Variants in TDRD15 observed in about 807,000 individuals in gnomAD.
The protein encoded by TDRD15 is tudor domain-containing protein 15.
For missense variants in TDRD15, 1,416 were observed against 904.7 expected (o/e 1.57, Z -7.25); for synonymous variants, 503 against 314.5 (o/e 1.60, Z -6.34).
chr2:21,144,509 C>T (rs1558302834), downstream of TDRD15, among the ~76,000 whole-genome samples: 2 of 151,824 alleles, frequency 1.3e-5, no homozygotes, highest in African/African-American at 2.4e-5. Context: ...AAATGCTTTA[C>T]AATTGGCCCC....
chr2:21,139,624 T>A lies in TDRD15; in HGVS notation c.2157T>A (p.Ser719=). The A allele has an allele frequency of 4.2e-6, 3 of 715,302 alleles. No individual in the cohort carries two copies. The South Asian group carries it at 4.5e-5, about 11-fold the overall frequency. 44.3% of individuals were successfully genotyped at this position (715,302 alleles called of 1,614,324 possible). A position where few individuals can be genotyped will look rare whatever the true frequency, so the allele number is the denominator to read the frequency against. Residue 719 remains serine, a synonymous_variant, in exon 4 of 4, where the codon TCT becomes TCA. Coordinates refer to ENST00000405799, the MANE Select transcript of TDRD15 (RefSeq NM_001306137.2). ...HSNNLVENNL[S]LPKSLAVNIS... ...ATAACCTGGTGGAAAATAACTTGTC[T>A]TTGCCAAAGTCCCTAGCTGTTAATA...
chr2:21,129,795 T>C (rs989755009), intron 2 of TDRD15, among the ~76,000 whole-genome samples: 2 of 152,232 alleles, frequency 1.3e-5, no homozygotes, highest in African/African-American at 4.8e-5. Flanking sequence ...CTTGATATGT[T>C]TTCTGTTCCT....
intron 2 of TDRD15, among the ~76,000 whole-genome samples, chr2:21,133,480 G>A (rs1665755941): frequency 6.6e-6 from 1 of 152,108 alleles, no homozygotes; most frequent in Admixed American, 6.6e-5. Context: ...ATGAAATAAT[G>A]TACATAGTGA....
Position 21,138,897 on chromosome 2 carries a change from A to G in TDRD15, c.1430A>G (p.Gln477Arg), listed in dbSNP as rs967313911. Reference protein sequence around the residue: ...LKVGFPIKTVQMEIEAAYIAF... With the variant: ...LKVGFPIKTVRMEIEAAYIAF... ...GTAGGTTTTCCCATTAAAACAGTACAAATGGAGATAGAGGCTGCCTACATA... is the reference window on the plus strand; with the variant it reads ...GTAGGTTTTCCCATTAAAACAGTACGAATGGAGATAGAGGCTGCCTACATA... Residue 477 changes from glutamine (Q) to arginine (R), a missense_variant, in exon 4 of 4, where the codon CAA (glutamine) becomes CGA (arginine). Gln to Arg is a conservative substitution (Grantham distance 43). Transcript: ENST00000405799. 1.3e-5 allele frequency: 9 copies of G among 715,766 alleles called. No homozygotes were observed. Among genetic ancestry groups the G allele is most frequent in the Non-Finnish European group, 2.1e-5 (8 of 384,122 alleles). 44.3% of individuals were successfully genotyped at this position (715,766 alleles called of 1,614,324 possible).
intron 2 of TDRD15, among the ~76,000 whole-genome samples, chr2:21,133,232 C>T (rs1037428792): frequency 6.6e-6 from 1 of 152,178 alleles, no homozygotes; most frequent in African/African-American, 2.4e-5. Context: ...AGCACAGATG[C>T]TTCAACTTGC....
downstream of TDRD15, among the ~76,000 whole-genome samples, chr2:21,145,177 A>G (rs1171704552): frequency 6.6e-6 from 1 of 151,994 alleles, no homozygotes; most frequent in Non-Finnish European, 1.5e-5. Context: ...CCAAGCTATT[A>G]TCACCACTTT....
chr2:21,124,884 C>T (rs1215549099), intron 1 of TDRD15, among the ~76,000 whole-genome samples: 1 of 142,194 alleles, frequency 7.0e-6, no homozygotes, highest in African/African-American at 2.6e-5. Flanking sequence ...TGTGAGAAAC[C>T]CTAATGTCAG....
At chr2:21,128,237 A>G (rs1335886163) in intron 2 of TDRD15, among the ~76,000 whole-genome samples, 2 of 151,942 alleles carry the variant, frequency 1.3e-5, no homozygotes, top group Non-Finnish European at 2.9e-5. Flanking sequence ...TACTAGTGAT[A>G]TGGAACATAT....
At chr2:21,126,211 C>T (rs76206662) in intron 1 of TDRD15, among the ~76,000 whole-genome samples, 3,694 of 152,278 alleles carry the variant, frequency 0.024, 71 homozygotes, top group Non-Finnish European at 0.036. Context: ...CTCCCCTTAT[C>T]CAAGTCAATC....
Position 21,142,912 on chromosome 2 carries a change from T to C in TDRD15, c.5445T>C (p.Val1815=). The part of the protein sequence containing the change: ...VSPQSLCLVL[V]DYGFSFYIRY... ...CTCAGTCTTTATGTCTTGTGTTGGTTGACTATGGATTTTCTTTTTATATAC... is the reference window on the plus strand; with the variant it reads ...CTCAGTCTTTATGTCTTGTGTTGGTCGACTATGGATTTTCTTTTTATATAC... The change falls in exon 4 of 4, where the codon GTT becomes GTC. Residue 1815 remains valine (V), a synonymous_variant. Transcript: ENST00000405799. 2 of 696,934 alleles carry C rather than the reference T, an allele frequency of 2.9e-6. No individual in the cohort carries two copies. Among genetic ancestry groups the C allele is most frequent in the South Asian group, 3.2e-5 (2 of 63,042 alleles). 43.2% of individuals were successfully genotyped at this position (696,934 alleles called of 1,614,324 possible). A position where few individuals can be genotyped will look rare whatever the true frequency, so the allele number is the denominator to read the frequency against.
At position 21,139,988 on chromosome 2, in the gene TDRD15, G is replaced by A. The variant is rs1196532445; in HGVS notation, c.2521G>A (p.Val841Ile). Reference sequence around the variant, plus strand: ...TGTTGATTATGGTTACCAAAAAAGGGTTTTAATTGAAGATCTTTGTGCAAT... The same window carrying A: ...TGTTGATTATGGTTACCAAAAAAGGATTTTAATTGAAGATCTTTGTGCAAT... ...VFVDYGYQKR[V>I]LIEDLCAINP... The change falls in exon 4 of 4, where the codon GTT becomes ATT. Residue 841 changes from valine (V) to isoleucine (I), a missense_variant. Transcript: ENST00000405799. 1.4e-6 allele frequency: 1 copy of A among 715,868 alleles called. No individual in the cohort carries two copies. Among genetic ancestry groups the A allele is most frequent in the South Asian group, 1.5e-5 (1 of 67,538 alleles). 44.3% of individuals were successfully genotyped at this position (715,868 alleles called of 1,614,324 possible).
At position 21,137,848 on chromosome 2, in the gene TDRD15, G is replaced by A. The variant is rs202247100; in HGVS notation, c.381G>A (p.Ala127=). 375 of 715,716 alleles carry A rather than the reference G, an allele frequency of 5.2e-4. No homozygotes were observed. The highest frequency in any genetic ancestry group is 8.6e-4 in the Non-Finnish European group (332 of 384,254). 44.3% of individuals were successfully genotyped at this position (715,716 alleles called of 1,614,324 possible). The change falls in exon 4 of 4, where the codon GCG becomes GCA. Residue 127 remains alanine (A), a synonymous_variant. Coordinates refer to ENST00000405799, the MANE Select transcript of TDRD15 (RefSeq NM_001306137.2). ...LPPRVVFGIF[A]NILPVGEKWS... is the part of the protein sequence containing the mutation. ...CACGGGTAGTATTTGGTATTTTTGC[G>A]AATATACTACCAGTTGGGGAAAAAT...
rs1478833320 is a variant in TDRD15, at chr2:21,141,573, C to G, written c.4106C>G (p.Pro1369Arg). 1.4e-6 allele frequency: 1 copy of G among 713,878 alleles called. No homozygotes were observed. Among genetic ancestry groups the G allele is most frequent in the Non-Finnish European group, 2.6e-6 (1 of 383,224 alleles). The allele number at this position is 713,878 out of a possible 1,614,324, so 44.2% of individuals were successfully genotyped here. ...IYRAVIKKIL[P>R]GNSFEVEFID... ...AGGGCAGTTATTAAGAAAATTTTGC[C>G]AGGAAATTCTTTTGAAGTAGAATTT... Residue 1369 changes from proline (P) to arginine (R), a missense_variant, in exon 4 of 4, where the codon CCA becomes CGA. Coordinates refer to ENST00000405799, the MANE Select transcript of TDRD15 (RefSeq NM_001306137.2).
chr2:21,146,615 C>T (rs188161956), downstream of TDRD15, among the ~76,000 whole-genome samples: 380 of 152,174 alleles, frequency 2.5e-3, no homozygotes, highest in African/African-American at 8.5e-3. Context: ...AATATCTGTT[C>T]ATTCTTTGCT....
intron 2 of TDRD15, among the ~76,000 whole-genome samples, chr2:21,133,737 T>G (rs1256100867): frequency 6.6e-6 from 1 of 152,086 alleles, no homozygotes; most frequent in African/African-American, 2.4e-5. Context: ...TATTTAAAAC[T>G]TAAAATTGTA....
At chr2:21,130,214 T>G (rs188808584) in intron 2 of TDRD15, among the ~76,000 whole-genome samples, 8 of 152,312 alleles carry the variant, frequency 5.3e-5, no homozygotes, top group Admixed American at 5.2e-4. Context: ...ATTGACAGCT[T>G]TAGTTCTTAC....
At chr2:21,128,558 G>A (rs761422107) in intron 2 of TDRD15, among the ~76,000 whole-genome samples, 10 of 151,880 alleles carry the variant, frequency 6.6e-5, no homozygotes, top group Non-Finnish European at 1.0e-4. Flanking sequence ...TCCTGACCTC[G>A]CAATCCACCC....
chr2:21,126,291 T>C (rs1477648786), intron 1 of TDRD15, among the ~76,000 whole-genome samples: 1 of 152,230 alleles, frequency 6.6e-6, no homozygotes, highest in Non-Finnish European at 1.5e-5. Context: ...TCATAAAATG[T>C]GTATTCTGCC....
At chr2:21,131,541 C>T (rs1036152515) in intron 2 of TDRD15, among the ~76,000 whole-genome samples, 6 of 152,288 alleles carry the variant, frequency 3.9e-5, no homozygotes, top group Admixed American at 6.5e-5. Flanking sequence ...TCTCCAACTA[C>T]GTATCTGTGT....
Sources: allele counts gnomAD v4.1 joint callset (sites outside exome capture counted in the v4.1 genomes callset), GRCh38; gene constraint gnomAD v4.1.1; transcripts MANE v1.5; gene names NCBI Gene and HGNC (gene_info 2026-07-23, HGNC 2026-07-21).